The following KCNK2 variants were observed in gnomAD, a reference collection of about 807,000 sequenced individuals.
The protein encoded by KCNK2 is potassium channel subfamily K member 2.
Under a neutral mutation model 40.5 loss-of-function variants are expected in KCNK2, and 21 were observed. The observed-to-expected ratio is 0.52, with a 90% CI of 0.37 to 0.75. The LOEUF (loss-of-function observed/expected upper bound fraction) is 0.75, where lower values mean the gene tolerates loss of function less well. Among genes scored for constraint, KCNK2 ranks in the 30% least tolerant of loss-of-function variants. The pLI, the probability that KCNK2 is intolerant of heterozygous loss-of-function variation, is 0.00. For missense variants in KCNK2, 399 were observed against 531.6 expected (o/e 0.75, Z 2.45); for synonymous variants, 191 against 202.2 (o/e 0.94, Z 0.47).
chr1:215,192,063 T>A (rs987566161), intron 5 of KCNK2, among the ~76,000 whole-genome samples: 2 of 152,192 alleles, frequency 1.3e-5, no homozygotes, highest in African/African-American at 2.4e-5. Context: ...AGAAGTTTTT[T>A]AAAAGGTATT....
chr1:215,063,224 A>G (rs1214811598), intron 1 of KCNK2, among the ~76,000 whole-genome samples: 1 of 152,212 alleles, frequency 6.6e-6, no homozygotes. Flanking sequence ...GAAACATGCA[A>G]TTGAAGAACA....
intron 3 of KCNK2, among the ~76,000 whole-genome samples, chr1:215,148,394 GT>G (rs902824138): frequency 9.8e-4 from 148 of 151,232 alleles, no homozygotes; most frequent in African/African-American, 3.4e-3. Context: ...TTTTAAGGGT[GT>G]TTTTTTTAAA....
intron 3 of KCNK2, among the ~76,000 whole-genome samples, chr1:215,125,185 G>C (rs1380031119): frequency 3.3e-5 from 5 of 151,800 alleles, no homozygotes; most frequent in Non-Finnish European, 7.4e-5. Flanking sequence ...GATTGTGCCT[G>C]TTATATGGTC....
intron 2 of KCNK2, among the ~76,000 whole-genome samples, chr1:215,112,494 A>G (rs1660739467): frequency 6.6e-6 from 1 of 152,166 alleles, no homozygotes; most frequent in South Asian, 2.1e-4. Context: ...AAAATTTACA[A>G]TTAGCTAAGG....
intron 2 of KCNK2, among the ~76,000 whole-genome samples, chr1:215,110,959 A>G (rs1387112903): frequency 2.6e-5 from 4 of 152,136 alleles, no homozygotes. Flanking sequence ...ACAATAGCCT[A>G]AAGAATAGTT....
intron 2 of KCNK2, among the ~76,000 whole-genome samples, chr1:215,106,941 T>C (rs1660461705): frequency 6.6e-6 from 1 of 152,156 alleles, no homozygotes; most frequent in Admixed American, 6.6e-5. Flanking sequence ...TCTATTGGTC[T>C]ATATGTCTGT....
At chr1:215,104,656 A>G (rs1258544493) in intron 2 of KCNK2, among the ~76,000 whole-genome samples, 1 of 152,126 alleles carries the variant, frequency 6.6e-6, no homozygotes, top group Non-Finnish European at 1.5e-5. Context: ...AAAATGCCCA[A>G]GTGAGGTTAT....
At chr1:215,172,361 A>G (rs1663753035) in intron 5 of KCNK2, among the ~76,000 whole-genome samples, 178 bp downstream of exon 5, 1 of 152,126 alleles carries the variant, frequency 6.6e-6, no homozygotes, top group Non-Finnish European at 1.5e-5. Flanking sequence ...GAAGTTGGAA[A>G]TCAAGGTACC....
At chr1:215,173,557 A>G (rs1393551650) in intron 5 of KCNK2, among the ~76,000 whole-genome samples, 1 of 152,184 alleles carries the variant, frequency 6.6e-6, no homozygotes, top group Non-Finnish European at 1.5e-5. Flanking sequence ...TGACTTCCAC[A>G]ATGGTTGAAC....
chr1:215,158,570 CA>C (rs1663033129), intron 3 of KCNK2, among the ~76,000 whole-genome samples: 1 of 152,014 alleles, frequency 6.6e-6, no homozygotes, highest in South Asian at 2.1e-4. Flanking sequence ...AAAATAAAAC[CA>C]AAGTTGTATC....
chr1:215,202,677 A>G (rs1050179500), intron 6 of KCNK2, among the ~76,000 whole-genome samples: 2 of 152,204 alleles, frequency 1.3e-5, no homozygotes, highest in African/African-American at 2.4e-5. Context: ...TCAGAAATGG[A>G]AACACTTCTA....
Position 215,218,868 on chromosome 1 carries a change from T to G in KCNK2, c.964-15960T>G, listed in dbSNP as rs528210989. On this transcript the variant is annotated intron_variant, in intron 6 of 6. Transcript: ENST00000444842. ...ACTAATATATTATACATGTTTAAAA[T>G]GTGTGCAAAAGTACAAATGTTAAAT... Among the ~76,000 whole-genome samples, 30 of 152,364 alleles carry G rather than the reference T, an allele frequency of 2.0e-4. No homozygotes were observed. In the South Asian group the frequency reaches 6.0e-3, roughly 31 times the overall value.
chr1:215,156,077 GTGTGTA>G (rs1278097777), intron 3 of KCNK2, among the ~76,000 whole-genome samples: 1 of 151,850 alleles, frequency 6.6e-6, no homozygotes, highest in Non-Finnish European at 1.5e-5. Flanking sequence ...GTGTGTGTGT[GTGTGTA>G]TATATATATA....
chr1:215,083,716 C>T, intron 1 of KCNK2: 1 of 532,890 alleles, frequency 1.9e-6, no homozygotes, highest in South Asian at 2.3e-5. Flanking sequence ...GGAGGGTCAG[C>T]CCTTGGGAGT....
chr1:215,204,037 C>CAA (rs71167813), intron 6 of KCNK2, among the ~76,000 whole-genome samples: 1,309 of 53,030 alleles, frequency 0.025, 347 homozygotes, highest in East Asian at 0.1. Context: ...GACTCCGTCT[C>CAA]AAAAAAAAAA....
chr1:215,029,686 A>G (rs1254208739), intron 1 of KCNK2, among the ~76,000 whole-genome samples: 10 of 149,530 alleles, frequency 6.7e-5, no homozygotes, highest in East Asian at 3.9e-4. Context: ...AAAACAGAAT[A>G]TTATTTTTAA....
chr1:215,070,596 T>A (rs1658720925), intron 1 of KCNK2, among the ~76,000 whole-genome samples: 1 of 151,978 alleles, frequency 6.6e-6, no homozygotes, highest in African/African-American at 2.4e-5. Flanking sequence ...CACCATCAGA[T>A]TTTGTGAGAC....
At chr1:215,018,266 A>G (rs901365628) in intron 1 of KCNK2, among the ~76,000 whole-genome samples, 17 of 152,178 alleles carry the variant, frequency 1.1e-4, no homozygotes, top group Non-Finnish European at 7.4e-5. Context: ...TCATTTTCCC[A>G]CTAAAAGAAT....
At chr1:215,217,441 C>T (rs1164079345) in intron 6 of KCNK2, among the ~76,000 whole-genome samples, 2 of 152,014 alleles carry the variant, frequency 1.3e-5, no homozygotes, top group Non-Finnish European at 2.9e-5. Flanking sequence ...ATGCATTAAC[C>T]TCTGAAAACA....
Sources: gnomAD v4.1 joint callset for allele counts (sites outside exome capture counted in the v4.1 genomes callset) on GRCh38, gnomAD v4.1.1 for gene constraint, MANE v1.5 for transcripts, NCBI Gene and HGNC (gene_info 2026-07-23, HGNC 2026-07-21) for gene names.